SETBP1: variants seen among roughly 807,000 people sequenced by gnomAD.
The protein encoded by SETBP1 is SET-binding protein.
Under a neutral mutation model 101.0 loss-of-function variants are expected in SETBP1, and 9 were observed. The observed-to-expected ratio is 0.09, with a 90% CI of 0.05 to 0.16. SETBP1 has a LOEUF of 0.16. Among genes scored for constraint, SETBP1 ranks in the 10% least tolerant of loss-of-function variants. The pLI is 1.00. For synonymous variants in SETBP1, 818 were observed against 788.5 expected (o/e 1.04, Z -0.63); for missense variants, 1,858 against 2,033.8 (o/e 0.91, Z 1.66).
intron 4 of SETBP1, among the ~76,000 whole-genome samples, chr18:44,997,007 T>C (rs556062301): frequency 3.5e-4 from 54 of 152,204 alleles, no homozygotes; most frequent in African/African-American, 1.2e-3. Context: ...GAAGATCAGA[T>C]GAGAAAGAGG....
At chr18:45,049,242 G>A (rs924163644) in intron 5 of SETBP1, among the ~76,000 whole-genome samples, 6 of 152,078 alleles carry the variant, frequency 3.9e-5, no homozygotes, top group Non-Finnish European at 5.9e-5. Context: ...AACTGAATTA[G>A]GTAAGCAGAC....
intron 1 of SETBP1, among the ~76,000 whole-genome samples, chr18:44,681,986 C>T (rs2068767257): frequency 6.6e-6 from 1 of 152,174 alleles, no homozygotes; most frequent in Non-Finnish European, 1.5e-5. Flanking sequence ...CCACACCTTT[C>T]CCCTTAAAGT....
At chr18:45,021,384 GC>G (rs1271267950) in intron 4 of SETBP1, among the ~76,000 whole-genome samples, 2 of 152,086 alleles carry the variant, frequency 1.3e-5, no homozygotes, top group Non-Finnish European at 2.9e-5. Context: ...TGGTCTAATG[GC>G]CTCCCCAACT....
At position 44,966,871 on chromosome 18, in the gene SETBP1, G is replaced by A. The variant is rs144084922; in HGVS notation, c.4000+13531G>A. 1.3e-3 allele frequency among the ~76,000 whole-genome samples: 192 copies of A among 152,290 alleles called. 2 individuals carry two copies. Among genetic ancestry groups the A allele is most frequent in the African/African-American group, 4.2e-3 (176 of 41,562 alleles). On this transcript the variant is annotated intron_variant, in intron 4 of 5. Transcript: ENST00000649279. The stretch of plus-strand genomic sequence containing the variant: ...ATGTCCCTTTCCTAGCCCGAAAAAT[G>A]AAGCTGTTAATACCCACCACACAGA...
intron 2 of SETBP1, among the ~76,000 whole-genome samples, chr18:44,725,939 G>A (rs1023974186): frequency 2.0e-5 from 3 of 152,126 alleles, no homozygotes; most frequent in Non-Finnish European, 2.9e-5. Context: ...GGTAATAGTG[G>A]CCAGGGGTGG....
At chr18:44,885,114 CATG>C (rs1299512757) in intron 3 of SETBP1, among the ~76,000 whole-genome samples, 2 of 152,108 alleles carry the variant, frequency 1.3e-5, no homozygotes, top group African/African-American at 2.4e-5. Flanking sequence ...CTTAGATTTT[CATG>C]ATATCAGAAT....
intron 4 of SETBP1, among the ~76,000 whole-genome samples, chr18:45,000,120 A>G (rs918860087): frequency 6.6e-6 from 1 of 152,248 alleles, no homozygotes; most frequent in Non-Finnish European, 1.5e-5. Flanking sequence ...AATGCCAACA[A>G]AGGAAATCAG....
At chr18:44,819,368 C>A (rs1347253116) in intron 2 of SETBP1, among the ~76,000 whole-genome samples, 1 of 152,214 alleles carries the variant, frequency 6.6e-6, no homozygotes, top group East Asian at 1.9e-4. Context: ...CTATCCTTTT[C>A]ATCCTCCCTC....
chr18:44,966,241 C>G (rs953014424), intron 4 of SETBP1, among the ~76,000 whole-genome samples: 37 of 152,322 alleles, frequency 2.4e-4, no homozygotes, highest in Middle Eastern at 3.4e-3. Flanking sequence ...TCTTGCTGGT[C>G]TCACCTTGTT....
At chr18:44,707,835 C>T (rs775604802) in intron 2 of SETBP1, among the ~76,000 whole-genome samples, 6 of 152,040 alleles carry the variant, frequency 3.9e-5, no homozygotes, top group East Asian at 3.9e-4. Flanking sequence ...GGAGAAGGAA[C>T]GGTTGCAGGG....
intron 2 of SETBP1, among the ~76,000 whole-genome samples, chr18:44,854,464 G>A (rs189678101): frequency 1.3e-5 from 2 of 152,162 alleles, no homozygotes; most frequent in African/African-American, 4.8e-5. Flanking sequence ...CTGCAGCCAA[G>A]ACAAGCTATG....
chr18:45,030,921 G>T (rs1251648586), intron 4 of SETBP1, among the ~76,000 whole-genome samples: 1 of 151,676 alleles, frequency 6.6e-6, no homozygotes, highest in Non-Finnish European at 1.5e-5. Flanking sequence ...TATTAGTCTT[G>T]CTAGCAGTCT....
chr18:44,996,375 G>A, intron 4 of SETBP1, among the ~76,000 whole-genome samples: 1 of 152,190 alleles, frequency 6.6e-6, no homozygotes, highest in Non-Finnish European at 1.5e-5. Context: ...AACTTGTGGG[G>A]TGGAGTTCAG....
At chr18:44,896,894 CTT>C (rs2069916568) in intron 3 of SETBP1, among the ~76,000 whole-genome samples, 1 of 152,116 alleles carries the variant, frequency 6.6e-6, no homozygotes, top group Admixed American at 6.6e-5. Flanking sequence ...ACTCTGTACT[CTT>C]TGATTACAGA....
intron 2 of SETBP1, among the ~76,000 whole-genome samples, chr18:44,740,191 C>T (rs1224424711): frequency 6.6e-6 from 1 of 152,216 alleles, no homozygotes; most frequent in Admixed American, 6.5e-5. Context: ...GGTAGAGTTA[C>T]GTCACCTCCT....
At chr18:44,932,968 C>G (rs529217748) in intron 3 of SETBP1, among the ~76,000 whole-genome samples, 1 of 152,262 alleles carries the variant, frequency 6.6e-6, no homozygotes, top group African/African-American at 2.4e-5. Context: ...AAGTCATTCT[C>G]TCTCCGGCTT....
chr18:44,718,221 G>T (rs2069508297), intron 2 of SETBP1, among the ~76,000 whole-genome samples: 1 of 152,184 alleles, frequency 6.6e-6, no homozygotes. Flanking sequence ...GAAAGTGATG[G>T]ATGCCACAGA....
chr18:44,739,733 A>G (rs886684930), intron 2 of SETBP1, among the ~76,000 whole-genome samples: 2 of 152,214 alleles, frequency 1.3e-5, no homozygotes, highest in Non-Finnish European at 2.9e-5. Context: ...CAATGTGTTC[A>G]TTAAATTTAA....
intron 5 of SETBP1, among the ~76,000 whole-genome samples, chr18:45,062,661 A>G (rs1451196827): frequency 6.6e-6 from 1 of 152,186 alleles, no homozygotes; most frequent in Non-Finnish European, 1.5e-5. Flanking sequence ...GCTAAATTGA[A>G]TCGGATCAAA....
Sources: allele counts gnomAD v4.1 joint callset (sites outside exome capture counted in the v4.1 genomes callset), GRCh38; gene constraint gnomAD v4.1.1; transcripts MANE v1.5; gene names NCBI Gene and HGNC (gene_info 2026-07-23, HGNC 2026-07-21).